ENPP6: variants seen among roughly 807,000 people sequenced by gnomAD.
The protein encoded by ENPP6 is glycerophosphocholine cholinephosphodiesterase ENPP6.
Under a neutral mutation model 42.0 loss-of-function variants are expected in ENPP6, and 32 were observed. That is an observed-to-expected ratio of 0.76 (90% CI 0.58 to 1.02). The LOEUF (loss-of-function observed/expected upper bound fraction) is 1.02, where lower values mean the gene tolerates loss of function less well. Among genes scored for constraint, ENPP6 ranks in the 50% least tolerant of loss-of-function variants. ENPP6 has a pLI of 0.00. For synonymous variants in ENPP6, 213 were observed against 216.0 expected, an observed-to-expected ratio of 0.99 and a Z score of 0.12; for missense variants, 552 against 566.8, an observed-to-expected ratio of 0.97 and a Z score of 0.27.
intron 1 of ENPP6, among the ~76,000 whole-genome samples, chr4:184,198,644 T>C (rs1732841935): frequency 6.6e-6 from 1 of 152,188 alleles, no homozygotes. Flanking sequence ...TTGAGGAACA[T>C]GTATTTCAAA....
chr4:184,206,118 A>G (rs1218429195), intron 1 of ENPP6, among the ~76,000 whole-genome samples: 1 of 152,164 alleles, frequency 6.6e-6, no homozygotes, highest in Non-Finnish European at 1.5e-5. Flanking sequence ...GAGGCTCACA[A>G]GCTGGGGCAA....
chr4:184,208,115 T>A (rs1180501401), intron 1 of ENPP6, among the ~76,000 whole-genome samples: 1 of 152,116 alleles, frequency 6.6e-6, no homozygotes, highest in Non-Finnish European at 1.5e-5. Context: ...ACATTTGGGC[T>A]CACAACACCT....
rs1332489119 is a variant in ENPP6, at chr4:184,089,057, C to A, written c.*2120G>T. Reference sequence around the variant, plus strand: ...GTGGGCTCTACTGAATTCATTGGAACACCGTCCTTTAAGGAGAAAGAAACT... The same window carrying A: ...GTGGGCTCTACTGAATTCATTGGAAAACCGTCCTTTAAGGAGAAAGAAACT... On this transcript the variant is annotated 3_prime_UTR_variant, in exon 8 of 8. Coordinates refer to ENST00000296741, the MANE Select transcript of ENPP6 (RefSeq NM_153343.4). 1.3e-5 allele frequency: 2 copies of A among 152,162 alleles called. No individual in the cohort carries two copies. Among genetic ancestry groups the A allele is most frequent in the African/African-American group, 2.4e-5 (1 of 41,434 alleles). 9.4% of individuals were successfully genotyped at this position (152,162 alleles called of 1,614,324 possible).
At chr4:184,103,591 T>C (rs1736041156) in intron 6 of ENPP6, among the ~76,000 whole-genome samples, 1 of 152,228 alleles carries the variant, frequency 6.6e-6, no homozygotes, top group Non-Finnish European at 1.5e-5. Flanking sequence ...TTTGGCTGGC[T>C]TGGATGGTTT....
intron 1 of ENPP6, among the ~76,000 whole-genome samples, chr4:184,181,899 T>C (rs778300893): frequency 3.9e-5 from 6 of 152,016 alleles, no homozygotes; most frequent in Admixed American, 1.3e-4. Context: ...CCTAAAACTA[T>C]AAAAACCCTA....
intron 2 of ENPP6, among the ~76,000 whole-genome samples, chr4:184,130,708 A>T (rs564713265): frequency 1.0e-5 from 1 of 97,598 alleles, no homozygotes; most frequent in Non-Finnish European, 2.2e-5. Flanking sequence ...TTTGCAGCAG[A>T]CAAGTCCTAA....
chr4:184,217,462 G>A (rs981549785), intron 1 of ENPP6, 117 bp downstream of exon 1: 6 of 1,376,908 alleles, frequency 4.4e-6, no homozygotes, highest in Non-Finnish European at 5.9e-6. Flanking sequence ...TACCTTTGAT[G>A]TCCCAAAGGA....
intron 4 of ENPP6, 129 bp from the exon 5 acceptor site, chr4:184,117,164 T>G: frequency 8.4e-7 from 1 of 1,187,132 alleles, no homozygotes; most frequent in South Asian, 1.5e-5. Flanking sequence ...TCTACTATTT[T>G]GCCCTGGTGA....
At chr4:184,191,121 C>T (rs7656027) in intron 1 of ENPP6, among the ~76,000 whole-genome samples, 115,469 of 152,148 alleles carry the variant, frequency 0.76, 45,714 homozygotes, top group East Asian at 0.98. Context: ...GATGCCTATG[C>T]AGGATGGCGG....
At chr4:184,161,799 T>C (rs1737261165) in intron 1 of ENPP6, among the ~76,000 whole-genome samples, 1 of 152,072 alleles carries the variant, frequency 6.6e-6, no homozygotes, top group Non-Finnish European at 1.5e-5. Context: ...CCAAACATTG[T>C]ATATTCTCAC....
rs1736819220 is a variant in ENPP6 at position 184,141,482 on chromosome 4, A to G, written c.421+12072T>C. Among the ~76,000 whole-genome samples the G allele has an allele frequency of 2.6e-5, 4 of 152,330 alleles. No homozygotes were observed. The South Asian group carries it at 8.3e-4, about 32-fold the overall frequency. On this transcript the variant is annotated intron_variant, in intron 2 of 7. Coordinates refer to ENST00000296741, the MANE Select transcript of ENPP6 (RefSeq NM_153343.4). ...CTGCCTTTCACAATTTCAAACATTA[A>G]TCAGGGACTTGGGGCAAGATTTTGG... is the stretch of plus-strand genomic sequence containing the variant.
chr4:184,095,654 C>CAA (rs71700505), intron 7 of ENPP6, among the ~76,000 whole-genome samples: 21 of 139,738 alleles, frequency 1.5e-4, no homozygotes, highest in African/African-American at 5.6e-4. Context: ...GAAACTGTCT[C>CAA]AAAAAAAAAA....
intron 1 of ENPP6, among the ~76,000 whole-genome samples, chr4:184,189,682 C>T (rs1309276668): frequency 3.3e-5 from 5 of 152,186 alleles, no homozygotes; most frequent in Admixed American, 1.3e-4. Context: ...AAATAAACTC[C>T]GTGGAGTCCT....
chr4:184,133,161 T>TCACACA lies in ENPP6; in HGVS notation c.422-8895_422-8890dup, dbSNP rs66979248. On this transcript the variant is annotated intron_variant, in intron 2 of 7. Coordinates refer to ENST00000296741, the MANE Select transcript of ENPP6 (RefSeq NM_153343.4). ...TAAATTTTAGAATCAACCTGTCAAT[T>TCACACA]CACACACACACACACACACACACAC... 4.6e-3 allele frequency among the ~76,000 whole-genome samples: 647 copies of TCACACA among 139,924 alleles called. 3 individuals carry two copies. The highest frequency in any genetic ancestry group is 6.8e-3 in the Admixed American group (94 of 13,914). 91.8% of individuals were successfully genotyped at this position (139,924 alleles called of 152,430 possible). A position where few individuals can be genotyped will look rare whatever the true frequency, so the allele number is the denominator to read the frequency against.
At chr4:184,205,483 G>A (rs909493686) in intron 1 of ENPP6, among the ~76,000 whole-genome samples, 1 of 152,260 alleles carries the variant, frequency 6.6e-6, no homozygotes. Flanking sequence ...ACAAGCAAGC[G>A]AAGAGAAGGG....
chr4:184,115,399 C>T (rs930701413), intron 5 of ENPP6, among the ~76,000 whole-genome samples: 3 of 152,202 alleles, frequency 2.0e-5, no homozygotes, highest in African/African-American at 7.2e-5. Context: ...TGCTCCTCCT[C>T]CCTTCTCAGG....
intron 6 of ENPP6, among the ~76,000 whole-genome samples, chr4:184,100,522 C>A (rs1428120045): frequency 6.6e-6 from 1 of 152,074 alleles, no homozygotes; most frequent in African/African-American, 2.4e-5. Flanking sequence ...CAGATCTGGC[C>A]GAAGGTGAGA....
At position 184,198,271 on chromosome 4, in the gene ENPP6, A is replaced by G. The variant is rs549307975; in HGVS notation, c.241+19308T>C. Among the ~76,000 whole-genome samples the G allele has an allele frequency of 2.1e-3, 317 of 152,332 alleles. 14 individuals are homozygous for G. The South Asian group carries it at 0.063, about 30-fold the overall frequency. On this transcript the variant is annotated intron_variant, in intron 1 of 7. Coordinates refer to ENST00000296741, the MANE Select transcript of ENPP6 (RefSeq NM_153343.4). The stretch of plus-strand genomic sequence containing the variant: ...AGTGCAGTCCAACAAACACAAATCA[A>G]TGTCTTCTCTGAGTAAGCACTGGTC...
intron 3 of ENPP6, among the ~76,000 whole-genome samples, chr4:184,121,417 A>G (rs1736414938): frequency 6.6e-6 from 1 of 152,220 alleles, no homozygotes; most frequent in Non-Finnish European, 1.5e-5. Flanking sequence ...AAGCCCATCT[A>G]TCCTGGGTTC....
Sources: gnomAD v4.1 joint callset for allele counts (sites outside exome capture counted in the v4.1 genomes callset) on GRCh38, gnomAD v4.1.1 for gene constraint, MANE v1.5 for transcripts, NCBI Gene and HGNC (gene_info 2026-07-23, HGNC 2026-07-21) for gene names.